SRP19: variants seen among roughly 807,000 people sequenced by gnomAD.
The protein encoded by SRP19 is signal recognition particle 19 kDa protein.
In SRP19, 11 loss-of-function variants were observed where a neutral mutation model predicts 22.4. That is an observed-to-expected ratio of 0.49 (90% CI 0.31 to 0.81). SRP19 has a LOEUF of 0.81. Ranked by LOEUF, SRP19 falls within the 40% of genes least tolerant of loss-of-function variation. SRP19 has a pLI of 0.05. For synonymous variants in SRP19, 61 were observed against 57.6 expected (o/e 1.06, Z -0.27); for missense variants, 168 against 175.9 (o/e 0.96, Z 0.25).
chr5:112,883,351 C>T (rs1768135079), intron 4 of SRP19, among the ~76,000 whole-genome samples: 1 of 152,212 alleles, frequency 6.6e-6, no homozygotes, highest in African/African-American at 2.4e-5. Flanking sequence ...CTGCTCAGTT[C>T]TCAGTCCTTA....
chr5:112,882,230 C>A (rs1768100334), intron 4 of SRP19, among the ~76,000 whole-genome samples: 1 of 152,112 alleles, frequency 6.6e-6, no homozygotes, highest in Non-Finnish European at 1.5e-5. Context: ...ACCAATACTG[C>A]AGTCCCTCCA....
At chr5:112,862,723 G>A in intron 2 of SRP19, 140 bp downstream of exon 2, 1 of 725,334 alleles carries the variant, frequency 1.4e-6, no homozygotes, top group Non-Finnish European at 2.3e-6. Context: ...AAGAATTGGG[G>A]TGCGTTCCTC....
chr5:112,873,383 G>A (rs1373548170), downstream of SRP19, among the ~76,000 whole-genome samples: 32 of 116,328 alleles, frequency 2.8e-4, no homozygotes, highest in Admixed American at 2.5e-3. Flanking sequence ...GTTTCACACC[G>A]TCACCCAGAC....
At chr5:112,862,261 T>G in intron 1 of SRP19, 25 of 541,610 alleles carry the variant, frequency 4.6e-5, no homozygotes, top group East Asian at 2.7e-4. Flanking sequence ...GCCAGTCTGA[T>G]TGGTTGAGGG....
chr5:112,888,364 T>A (rs767591493), intron 4 of SRP19, among the ~76,000 whole-genome samples: 1 of 152,252 alleles, frequency 6.6e-6, no homozygotes, highest in African/African-American at 2.4e-5. Flanking sequence ...GAGAAATTTA[T>A]ACTAGACTTT....
intron 4 of SRP19, among the ~76,000 whole-genome samples, chr5:112,886,683 A>G (rs987751078): frequency 1.3e-5 from 2 of 152,250 alleles, no homozygotes; most frequent in African/African-American, 2.4e-5. Flanking sequence ...GTAATTAAGT[A>G]TAATACAAAA....
At chr5:112,872,649 G>A, downstream of SRP19, among the ~76,000 whole-genome samples, 1 of 152,060 alleles carries the variant, frequency 6.6e-6, no homozygotes, top group Non-Finnish European at 1.5e-5. Flanking sequence ...AATCTTTTCT[G>A]TAGTCCTTTG....
chr5:112,865,534 C>G (rs1382648324), intron 4 of SRP19, among the ~76,000 whole-genome samples: 1 of 151,736 alleles, frequency 6.6e-6, no homozygotes, highest in East Asian at 1.9e-4. Context: ...ATAACCCCCT[C>G]AGTTTAATTA....
chr5:112,892,900 G>A, exon 5 of SRP19: 1 of 1,610,466 alleles, frequency 6.2e-7, no homozygotes, highest in Non-Finnish European at 8.5e-7. Context: ...AAAGAGTCGG[G>A]AGAGGCACAA....
downstream of SRP19, chr5:112,893,113 A>G (rs761203249): frequency 7.1e-6 from 6 of 844,446 alleles, no homozygotes; most frequent in Admixed American, 1.5e-4. Context: ...AAAAAAAAAA[A>G]AAAAGAATGG....
Position 112,868,880 on chromosome 5 carries a change from A to C in SRP19, c.*1343A>C, listed in dbSNP as rs1395331307. 6.6e-6 allele frequency: 1 copy of C among 151,654 alleles called. No individual in the cohort carries two copies. The highest frequency in any genetic ancestry group is 2.4e-5 in the African/African-American group (1 of 41,292). 9.4% of individuals were successfully genotyped at this position (151,654 alleles called of 1,614,324 possible). On this transcript the variant is annotated 3_prime_UTR_variant, in exon 5 of 5. Coordinates refer to ENST00000505459, the MANE Select transcript of SRP19 (RefSeq NM_003135.3). Reference sequence around the variant, plus strand: ...AGTGCTGGGATTACAGGCATGAGCTAGCTGGCCTGTTGACTTTTTTTTTTT... The same window carrying C: ...AGTGCTGGGATTACAGGCATGAGCTCGCTGGCCTGTTGACTTTTTTTTTTT...
rs1329159172 is a variant in SRP19 at position 112,861,402 on chromosome 5, C to T, written c.26C>T (p.Pro9Leu). The T allele has an allele frequency of 1.9e-6, 3 of 1,613,972 alleles. No individual in the cohort carries two copies. The highest frequency in any genetic ancestry group is 2.5e-6 in the Non-Finnish European group (3 of 1,180,028). MACAAARSPADQDRFICIY... is the reference protein window; with the variant it reads MACAAARSLADQDRFICIY... ...ATGGCTTGCGCTGCCGCGCGGTCCCCGGCCGACCAGGACAGGTGGGTTCTG... is the reference window on the plus strand; with the variant it reads ...ATGGCTTGCGCTGCCGCGCGGTCCCTGGCCGACCAGGACAGGTGGGTTCTG... The change falls in exon 1 of 5, where the codon CCG (proline) becomes CTG (leucine). Residue 9 changes from proline to leucine, a missense_variant. Transcript: ENST00000505459.
chr5:112,865,545 A>G (rs1767571079), intron 4 of SRP19, among the ~76,000 whole-genome samples: 1 of 152,112 alleles, frequency 6.6e-6, no homozygotes, highest in South Asian at 2.1e-4. Context: ...AGTTTAATTA[A>G]ACTGTCATTA....
chr5:112,874,210 G>A (rs1767845141), downstream of SRP19, among the ~76,000 whole-genome samples: 1 of 152,140 alleles, frequency 6.6e-6, no homozygotes, highest in Non-Finnish European at 1.5e-5. Context: ...GGATATGGTG[G>A]CTCATGCTTG....
At chr5:112,881,150 AAG>A (rs1768065299) in intron 4 of SRP19, among the ~76,000 whole-genome samples, 1 of 151,356 alleles carries the variant, frequency 6.6e-6, no homozygotes, top group East Asian at 1.9e-4. Context: ...AAAAAAAAAA[AAG>A]CTGGCAATCC....
chr5:112,887,312 G>A, intron 4 of SRP19: 1 of 832,698 alleles, frequency 1.2e-6, no homozygotes, highest in South Asian at 4.2e-5. Context: ...CATTACCAGT[G>A]TTTTCTGCAG....
chr5:112,889,903 T>G (rs2150038032), intron 4 of SRP19, among the ~76,000 whole-genome samples: 1 of 149,784 alleles, frequency 6.7e-6, no homozygotes, highest in Non-Finnish European at 1.5e-5. Context: ...ATCAGCTCAC[T>G]GCAACCTCCG....
At chr5:112,892,482 GGAA>G in exon 5 of SRP19, 1 of 1,614,130 alleles carries the variant, frequency 6.2e-7, no homozygotes, top group Non-Finnish European at 8.5e-7. Context: ...AGTACCAGTC[GGAA>G]GAAGAATGCC....
chr5:112,882,888 TAGAA>T (rs1768122314), intron 4 of SRP19, among the ~76,000 whole-genome samples: 1 of 152,214 alleles, frequency 6.6e-6, no homozygotes, highest in Non-Finnish European at 1.5e-5. Flanking sequence ...ATGAAACAAT[TAGAA>T]AGTCACTTCT....
Sources: allele counts gnomAD v4.1 joint callset (sites outside exome capture counted in the v4.1 genomes callset), GRCh38; gene constraint gnomAD v4.1.1; transcripts MANE v1.5; gene names NCBI Gene and HGNC (gene_info 2026-07-23, HGNC 2026-07-21).